SUMF1: variants seen among roughly 807,000 people sequenced by gnomAD.
SUMF1 encodes the protein formylglycine-generating enzyme.
In SUMF1, 48 loss-of-function variants were observed where a neutral mutation model predicts 47.6. The ratio of observed to expected loss-of-function variants is 1.01; its 90% CI spans 0.80 to 1.28. The LOEUF (loss-of-function observed/expected upper bound fraction) is 1.28, where lower values mean the gene tolerates loss of function less well. Among genes scored for constraint, SUMF1 ranks in the 50% most tolerant of loss-of-function variants. The pLI, the probability that SUMF1 is intolerant of heterozygous loss-of-function variation, is 0.00. For missense variants in SUMF1, 571 were observed against 485.4 expected (o/e 1.18, Z -1.66); for synonymous variants, 230 against 192.1 (o/e 1.20, Z -1.63).
intron 8 of SUMF1, among the ~76,000 whole-genome samples, chr3:4,276,491 T>C (rs1261703556): frequency 1.3e-5 from 2 of 152,192 alleles, no homozygotes; most frequent in African/African-American, 4.8e-5. Context: ...AAATTATTTC[T>C]TTGAAAATCA....
chr3:4,431,979 T>A (rs1011078834), intron 3 of SUMF1, among the ~76,000 whole-genome samples: 1 of 152,120 alleles, frequency 6.6e-6, no homozygotes, highest in African/African-American at 2.4e-5. Context: ...CCTGTCATGT[T>A]CAGATCATTC....
At chr3:4,158,983 G>A (rs1231564741) in intron 8 of SUMF1, among the ~76,000 whole-genome samples, 1 of 151,428 alleles carries the variant, frequency 6.6e-6, no homozygotes, top group Non-Finnish European at 1.5e-5. Flanking sequence ...TACATTCAAT[G>A]TTATTATTGA....
intron 1 of SUMF1, among the ~76,000 whole-genome samples, chr3:4,466,425 T>C (rs1231777876): frequency 1.3e-5 from 2 of 152,222 alleles, no homozygotes; most frequent in South Asian, 2.1e-4. Context: ...AAGTTATTTA[T>C]ATATCCCGGC....
At chr3:4,114,171 C>T (rs1393901084) in intron 8 of SUMF1, among the ~76,000 whole-genome samples, 1 of 152,078 alleles carries the variant, frequency 6.6e-6, no homozygotes, top group East Asian at 1.9e-4. Context: ...ACTGAACTTT[C>T]TGATCCAGGA....
intron 8 of SUMF1, among the ~76,000 whole-genome samples, chr3:4,297,635 T>G (rs372309745): frequency 3.3e-5 from 5 of 150,250 alleles, no homozygotes; most frequent in African/African-American, 1.2e-4. Context: ...CTCCTGGCCT[T>G]GAGCCATCCT....
intron 8 of SUMF1, among the ~76,000 whole-genome samples, chr3:4,221,326 G>A (rs948099703): frequency 6.6e-6 from 1 of 151,954 alleles, no homozygotes; most frequent in African/African-American, 2.4e-5. Flanking sequence ...GTTTTAAGTT[G>A]CCATGAATCT....
intron 8 of SUMF1, among the ~76,000 whole-genome samples, chr3:4,240,230 T>C (rs1242682526): frequency 6.6e-6 from 1 of 152,088 alleles, no homozygotes; most frequent in Non-Finnish European, 1.5e-5. Context: ...TGAAATATTC[T>C]TTTTTTTGTT....
Position 4,431,280 on chromosome 3 carries a change from C to T in SUMF1, c.520-11134G>A, listed in dbSNP as rs148148370. Among the ~76,000 whole-genome samples the T allele has an allele frequency of 1.9e-3, 292 of 152,356 alleles. 2 individuals carry two copies. The highest frequency in any genetic ancestry group is 6.8e-3 in the African/African-American group (282 of 41,586). The stretch of plus-strand genomic sequence containing the variant: ...CTGCCTTCCCATTTGGCACACTTTC[C>T]TCTGATTGATCCCCATCCTTCACTA... On this transcript the variant is annotated intron_variant, in intron 3 of 8. Coordinates refer to ENST00000272902, the MANE Select transcript of SUMF1 (RefSeq NM_182760.4).
At chr3:4,286,191 T>C (rs142204525) in intron 8 of SUMF1, among the ~76,000 whole-genome samples, 2 of 152,226 alleles carry the variant, frequency 1.3e-5, no homozygotes, top group African/African-American at 4.8e-5. Flanking sequence ...AATAAGTATG[T>C]AGCTTTTTAA....
At chr3:4,333,955 C>T (rs1699097948) in intron 8 of SUMF1, among the ~76,000 whole-genome samples, 1 of 151,660 alleles carries the variant, frequency 6.6e-6, no homozygotes, top group African/African-American at 2.4e-5. Context: ...CAGTGAGACC[C>T]CATCTCTACA....
At chr3:4,390,405 T>C (rs1208567126) in intron 7 of SUMF1, among the ~76,000 whole-genome samples, 2 of 152,216 alleles carry the variant, frequency 1.3e-5, no homozygotes, top group Admixed American at 6.5e-5. Context: ...GTTTTTTCTT[T>C]GGTGTTTAGA....
chr3:4,067,239 A>G (rs1298876235), intron 9 of SUMF1, among the ~76,000 whole-genome samples: 1 of 152,174 alleles, frequency 6.6e-6, no homozygotes, highest in Non-Finnish European at 1.5e-5. Context: ...GTGTATCAGT[A>G]AGACAGGCCA....
chr3:4,366,116 G>A (rs1699947010), intron 8 of SUMF1, among the ~76,000 whole-genome samples: 1 of 151,894 alleles, frequency 6.6e-6, no homozygotes. Context: ...CCCTTCGTGG[G>A]TAACCCGACC....
At chr3:4,199,643 T>C (rs1695500800) in intron 8 of SUMF1, among the ~76,000 whole-genome samples, 1 of 152,206 alleles carries the variant, frequency 6.6e-6, no homozygotes, top group African/African-American at 2.4e-5. Context: ...CATAGCATTC[T>C]GTCTTTCTTA....
chr3:4,337,196 TC>T (rs1699170791), intron 8 of SUMF1, among the ~76,000 whole-genome samples: 1 of 100,416 alleles, frequency 1.0e-5, no homozygotes, highest in Non-Finnish European at 2.1e-5. Context: ...CCTCCCTCCC[TC>T]CCTCCCTCCC....
chr3:4,285,454 C>G lies in SUMF1; in HGVS notation c.1014+90876G>C, dbSNP rs183402291. On this transcript the variant is annotated intron_variant and NMD_transcript_variant, in intron 8 of 12. Transcript: ENST00000448413. ...TGACTCTCTAGAGTTTATGAATTTT[C>G]ACAATGAGAATGTATGATTCTTATA... Among the ~76,000 whole-genome samples, 63 of 152,158 alleles carry G rather than the reference C, an allele frequency of 4.1e-4. 1 individual carries two copies. Among genetic ancestry groups the G allele is most frequent in the Admixed American group, 3.5e-3 (54 of 15,294 alleles).
intron 8 of SUMF1, among the ~76,000 whole-genome samples, chr3:4,200,583 C>T (rs964847865): frequency 6.6e-5 from 10 of 152,072 alleles, no homozygotes; most frequent in African/African-American, 2.4e-4. Context: ...TTCTCTAGTT[C>T]TGAGACCTCT....
At chr3:4,071,571 G>T (rs1242380504) in intron 8 of SUMF1, among the ~76,000 whole-genome samples, 1 of 152,188 alleles carries the variant, frequency 6.6e-6, no homozygotes, top group African/African-American at 2.4e-5. Flanking sequence ...AATTCTCACT[G>T]CTAGCGCAGG....
intron 7 of SUMF1, among the ~76,000 whole-genome samples, chr3:4,383,737 T>C (rs1480859655): frequency 6.6e-6 from 1 of 152,162 alleles, no homozygotes; most frequent in Non-Finnish European, 1.5e-5. Flanking sequence ...CTTATGGGAT[T>C]TGGGAGACAA....
Sources: allele counts gnomAD v4.1 joint callset (sites outside exome capture counted in the v4.1 genomes callset), GRCh38; gene constraint gnomAD v4.1.1; transcripts MANE v1.5; gene names NCBI Gene and HGNC (gene_info 2026-07-23, HGNC 2026-07-21).